NAPRT: variants seen among roughly 807,000 people sequenced by gnomAD.
NAPRT encodes the protein nicotinate phosphoribosyltransferase.
NAPRT carries 66 observed loss-of-function variants against 60.7 expected under a neutral mutation model. That is an observed-to-expected ratio of 1.09 (90% CI 0.89 to 1.33). NAPRT has a LOEUF of 1.33. Among genes scored for constraint, NAPRT ranks in the 40% most tolerant of loss-of-function variants. The pLI, the probability that NAPRT is intolerant of heterozygous loss-of-function variation, is 0.00. For synonymous variants in NAPRT, 405 were observed against 335.7 expected (o/e 1.21, Z -2.26); for missense variants, 818 against 731.5 (o/e 1.12, Z -1.36).
Position 143,576,860 on chromosome 8 carries a change from T to G in NAPRT, c.685-18A>C, listed in dbSNP as rs919609919. On this transcript the variant is annotated intron_variant, in intron 5 of 12. Coordinates refer to ENST00000449291, the MANE Select transcript of NAPRT (RefSeq NM_145201.6). The stretch of plus-strand genomic sequence containing the variant: ...GCCAACATCTGTGGAACAGAGTCGG[T>G]GAAGAATGGGGGCCAGGAATGCAGG... 1.3e-6 allele frequency: 2 copies of G among 1,582,886 alleles called. No individual in the cohort carries two copies. The highest frequency in any genetic ancestry group is 1.7e-6 in the Non-Finnish European group (2 of 1,161,552).
chr8:143,575,178 G>T lies in NAPRT; in HGVS notation c.1446+13C>A. 6.2e-7 allele frequency: 1 copy of T among 1,601,316 alleles called. No individual in the cohort carries two copies. The highest frequency in any genetic ancestry group is 2.3e-5 in the East Asian group (1 of 44,168). Reference sequence around the variant, plus strand: ...GGGGCTGGGGGTCAGGATGAGGGCGGTGGGGCAGCCACCTGTCCCTGCTGG... The same window carrying T: ...GGGGCTGGGGGTCAGGATGAGGGCGTTGGGGCAGCCACCTGTCCCTGCTGG... On this transcript the variant is annotated intron_variant, in intron 11 of 12. Transcript: ENST00000449291.
At position 143,575,477 on chromosome 8, in the gene NAPRT, C is replaced by A; in HGVS notation, c.1237G>T (p.Glu413Ter). 1.3e-6 allele frequency: 2 copies of A among 1,599,204 alleles called. No homozygotes were observed. Among genetic ancestry groups the A allele is most frequent in the Non-Finnish European group, 1.7e-6 (2 of 1,168,444 alleles). The change falls in exon 10 of 13, where the codon GAG (glutamate) becomes TAG (stop). Residue 413 changes from glutamate to a stop codon, truncating the protein, a stop_gained. Coordinates refer to ENST00000449291, the MANE Select transcript of NAPRT (RefSeq NM_145201.6). LOFTEE classifies it high-confidence loss of function. Reference protein sequence around the residue: ...QPRMKLTEDPEKQTLPGSKAA... With the variant: ...QPRMKLTEDP ...TTGCTCCCAGGCAACGTCTGCTTCT[C>A]GGGGTCCTCGGTCAGCTTCATTCGT...
In NAPRT at chr8:143,576,025, G is replaced by A. The variant is rs1459782203; in HGVS notation, c.1107+53C>T. 7.2e-5 allele frequency: 104 copies of A among 1,452,988 alleles called. 1 individual carries two copies. In the East Asian group the frequency reaches 1.7e-3, roughly 24 times the overall value. 90.0% of individuals were successfully genotyped at this position (1,452,988 alleles called of 1,614,324 possible). ...GCAATGAGCCCAGCCAGAACCTGCA[G>A]GGGCCCCCAGAGCCCCCCAGCCACC... is the stretch of plus-strand genomic sequence containing the variant. On this transcript the variant is annotated intron_variant, in intron 8 of 12. Transcript: ENST00000449291.
Position 143,578,255 on chromosome 8 carries a change from G to A in NAPRT, c.64C>T (p.Gln22Ter). 1.4e-6 allele frequency: 2 copies of A among 1,480,174 alleles called. No individual in the cohort carries two copies. The highest frequency in any genetic ancestry group is 1.8e-6 in the Non-Finnish European group (2 of 1,121,394). The allele number at this position is 1,480,174 out of a possible 1,614,324, so 91.7% of individuals were successfully genotyped here. A position where few individuals can be genotyped will look rare whatever the true frequency, so the allele number is the denominator to read the frequency against. ...CAATAGCCCAACGCCATGGTGGCCT[G>A]GTAGAGGTCAGTGAGCAGCGGCCGC... is the stretch of plus-strand genomic sequence containing the variant. Reference protein sequence around the residue: ...AARPLLTDLYQATMALGYWRA... With the variant: ...AARPLLTDLY The change falls in exon 1 of 13, where the codon CAG (glutamine) becomes TAG (stop). Residue 22 changes from glutamine (Q) to a stop codon, truncating the protein, a stop_gained. Transcript: ENST00000449291. LOFTEE classifies it high-confidence loss of function.
At position 143,576,151 on chromosome 8, in the gene NAPRT, G is replaced by A. The variant is rs1824440381; in HGVS notation, c.1034C>T (p.Pro345Leu). 1.2e-6 allele frequency: 2 copies of A among 1,600,818 alleles called. No individual in the cohort carries two copies. Among genetic ancestry groups the A allele is most frequent in the Admixed American group, 1.7e-5 (1 of 58,994 alleles). Residue 345 changes from proline (P) to leucine (L), a missense_variant, in exon 8 of 13, where the codon CCC becomes CTC. By Grantham distance (98) the Pro-to-Leu change is moderately conservative (BLOSUM62 -3). Transcript: ENST00000449291. ...FRAAAAQFQV[P>L]WLESVLIVVS... is the part of the protein sequence containing the mutation. ...TACGATGAGGACTGACTCCAGCCAG[G>A]GCACCTGGAACCTGCCGCGTGGGTG...
Position 143,575,670 on chromosome 8 carries a change from G to A in NAPRT, c.1140C>T (p.Thr380=), listed in dbSNP as rs1238125310. 6.3e-7 allele frequency: 1 copy of A among 1,594,968 alleles called. No homozygotes were observed. The highest frequency in any genetic ancestry group is 1.1e-5 in the South Asian group (1 of 88,636). ...GCTGTTGGGGGCAGGTGACCACACT[G>A]GTGCCAATGCCAATGACATTCACCT... ...GSEVNVIGIG[T]SVVTCPQQPS... The change falls in exon 9 of 13, where the codon ACC becomes ACT. Residue 380 remains threonine (T), a synonymous_variant. Transcript: ENST00000449291.
Position 143,577,706 on chromosome 8 carries a change from C to G in NAPRT, c.388G>C (p.Val130Leu). Residue 130 changes from valine to leucine, a missense_variant, in exon 3 of 13, where the codon GTG becomes CTG. By Grantham distance (32) the Val-to-Leu change is conservative (BLOSUM62 1). Coordinates refer to ENST00000449291, the MANE Select transcript of NAPRT (RefSeq NM_145201.6). ...AGCGGTGTCTCCAGCAGCTGCACCACCAGGAGCGGCCCGGACACCTGCAGG... is the reference window on the plus strand; with the variant it reads ...AGCGGTGTCTCCAGCAGCTGCACCAGCAGGAGCGGCCCGGACACCTGCAGG... ...PLLQVSGPLLVVQLLETPLLC... is the reference protein window; with the variant it reads ...PLLQVSGPLLLVQLLETPLLC... 1 of 1,544,814 alleles carries G rather than the reference C, an allele frequency of 6.5e-7. No homozygotes were observed. Among genetic ancestry groups the G allele is most frequent in the Non-Finnish European group, 8.7e-7 (1 of 1,148,234 alleles).
Position 143,577,864 on chromosome 8 carries a change from GGAGCAGTC to G in NAPRT, c.298_305del (p.Asp100ArgfsTer125). 1.2e-6 allele frequency: 2 copies of G among 1,612,204 alleles called. No homozygotes were observed. The highest frequency in any genetic ancestry group is 1.7e-6 in the Non-Finnish European group (2 of 1,179,772). On this transcript the variant is annotated frameshift_variant, in exon 2 of 13. Transcript: ENST00000449291. LOFTEE classifies it high-confidence loss of function. ...CGGGCAGGGCTCGCACCGTCACCTC[GGAGCAGTC>G]GAGGGCCCGAAGGTGCTCGAAGAAC... is the stretch of plus-strand genomic sequence containing the variant.
chr8:143,575,861 G>A (rs1208679005), intron 8 of NAPRT, among the ~76,000 whole-genome samples, 159 bp from the exon 9 acceptor site: 1 of 135,296 alleles, frequency 7.4e-6, no homozygotes, highest in Non-Finnish European at 1.6e-5. Context: ...GGTGGGGAAG[G>A]AGGTGGCACT....
downstream of NAPRT, chr8:143,574,735 C>T (rs541701238): frequency 1.8e-5 from 25 of 1,411,634 alleles, no homozygotes; most frequent in Middle Eastern, 1.8e-4. Context: ...GCCCGGGAGG[C>T]GCAGCCCGTG....
intron 5 of NAPRT, 32 bp downstream of exon 5, chr8:143,577,030 T>G: frequency 6.3e-7 from 1 of 1,599,390 alleles, no homozygotes. Flanking sequence ...GCCTGTCGCC[T>G]GGAGACAGCA....
At position 143,577,906 on chromosome 8, in the gene NAPRT, C is replaced by A. The variant is rs1480762066; in HGVS notation, c.264G>T (p.Thr88=). ...QFLASVLPPD[T]DPAFFEHLRA... ...GAAGGTGCTCGAAGAACGCAGGATCCGTGTCTGGGGGCAGCACCGAGGCCA... is the reference window on the plus strand; with the variant it reads ...GAAGGTGCTCGAAGAACGCAGGATCAGTGTCTGGGGGCAGCACCGAGGCCA... Residue 88 remains threonine (T), a synonymous_variant, in exon 2 of 13, where the codon ACG becomes ACT. Transcript: ENST00000449291. 3 of 1,611,930 alleles carry A rather than the reference C, an allele frequency of 1.9e-6. No homozygotes were observed. The highest frequency in any genetic ancestry group is 3.3e-5 in the Admixed American group (2 of 59,970).
chr8:143,574,923 G>A (rs761914119), intron 12 of NAPRT, 23 bp from the exon 13 acceptor site: 22 of 1,550,564 alleles, frequency 1.4e-5, no homozygotes, highest in Non-Finnish European at 1.7e-5. Flanking sequence ...GAGGACAGGA[G>A]CGGTGGGCAG....
chr8:143,575,766 C>T lies in NAPRT; in HGVS notation c.1108-64G>A, dbSNP rs546645225. On this transcript the variant is annotated intron_variant, in intron 8 of 12. Coordinates refer to ENST00000449291, the MANE Select transcript of NAPRT (RefSeq NM_145201.6). ...TGGGTGGGGAAGGGGGTGGCACTGC[C>T]CTGGGTGGGGAAGGAGGTGGCACTG... 1,320 of 1,139,254 alleles carry T rather than the reference C, an allele frequency of 1.2e-3. 14 individuals carry two copies. In the African/African-American group the frequency reaches 0.018, roughly 16 times the overall value. 70.6% of individuals were successfully genotyped at this position (1,139,254 alleles called of 1,614,324 possible).
intron 5 of NAPRT, 94 bp from the exon 6 acceptor site, chr8:143,576,936 G>A: frequency 2.0e-6 from 3 of 1,494,328 alleles, no homozygotes; most frequent in Non-Finnish European, 2.7e-6. Flanking sequence ...CAAAGGTAAT[G>A]CAGCCCGTGC....
chr8:143,575,927 T>C, intron 8 of NAPRT, 151 bp downstream of exon 8: 1 of 312,094 alleles, frequency 3.2e-6, no homozygotes, highest in South Asian at 4.0e-5. Flanking sequence ...GGCAGTGCCC[T>C]GGGTGGGGGA....
In NAPRT at chr8:143,578,145, G is replaced by T. The variant is rs540917262; in HGVS notation, c.174C>A (p.Ala58=). Residue 58 remains alanine, a synonymous_variant, in exon 1 of 13, where the codon GCC becomes GCA. Coordinates refer to ENST00000449291, the MANE Select transcript of NAPRT (RefSeq NM_145201.6). The part of the protein sequence containing the change: ...CPFGGAFALA[A]GLRDCVRFLR... ...GGAAGCGCACACAGTCGCGCAAGCC[G>T]GCGGCCAAGGCGAAGGCGCCGCCGA... The T allele has an allele frequency of 6.6e-7, 1 of 1,521,594 alleles. No individual in the cohort carries two copies. Among genetic ancestry groups the T allele is most frequent in the Non-Finnish European group, 8.8e-7 (1 of 1,140,652 alleles). 94.3% of individuals were successfully genotyped at this position (1,521,594 alleles called of 1,614,324 possible).
At chr8:143,576,369 C>G in intron 7 of NAPRT, 63 bp downstream of exon 7, 1 of 1,556,438 alleles carries the variant, frequency 6.4e-7, no homozygotes, top group African/African-American at 1.4e-5. Context: ...CACTGTCCTT[C>G]CCTGCCCATT....
chr8:143,574,875 GC>G lies in NAPRT; in HGVS notation c.1579del (p.Ala527ProfsTer3). ...YQVVLSERLQ[A>X]LVNSLCAGQS... is the part of the protein sequence containing the mutation. ...CCCCGCACACAGACTGTTCACCAGGGCCTGCAGCCTCTCGGACAGCACCACC... is the reference window on the plus strand; with the variant it reads ...CCCCGCACACAGACTGTTCACCAGGGCTGCAGCCTCTCGGACAGCACCACC... On this transcript the variant is annotated frameshift_variant, in exon 13 of 13. Transcript: ENST00000449291. LOFTEE classifies it low-confidence loss of function (END_TRUNC). 3.9e-6 allele frequency: 6 copies of G among 1,550,634 alleles called. No homozygotes were observed. The highest frequency in any genetic ancestry group is 8.7e-7 in the Non-Finnish European group (1 of 1,147,000).
Sources: allele counts gnomAD v4.1 joint callset (sites outside exome capture counted in the v4.1 genomes callset), GRCh38; gene constraint gnomAD v4.1.1; transcripts MANE v1.5; gene names NCBI Gene and HGNC (gene_info 2026-07-23, HGNC 2026-07-21).